The following SPAM1 variants were observed in gnomAD, a reference collection of about 807,000 sequenced individuals.
SPAM1 encodes the protein sperm adhesion molecule 1, also known as hyaluronidase PH-20.
In SPAM1, 22 loss-of-function variants were observed where a neutral mutation model predicts 29.6. That is an observed-to-expected ratio of 0.74 (90% CI 0.53 to 1.06). The LOEUF (loss-of-function observed/expected upper bound fraction) is 1.06, where lower values mean the gene tolerates loss of function less well. SPAM1 is among the 50% of genes least tolerant of loss of function. The pLI, the probability that SPAM1 is intolerant of heterozygous loss-of-function variation, is 0.00. For synonymous variants in SPAM1, 194 were observed against 204.6 expected, an observed-to-expected ratio of 0.95 and a Z score of 0.44; for missense variants, 534 against 604.0, an observed-to-expected ratio of 0.88 and a Z score of 1.21.
At chr7:123,938,529 T>C (rs1262644677) in intron 1 of SPAM1, among the ~76,000 whole-genome samples, 1 of 152,208 alleles carries the variant, frequency 6.6e-6, no homozygotes, top group Non-Finnish European at 1.5e-5. Context: ...ATCTTCAGCA[T>C]TGGTTAATGT....
chr7:123,963,071 A>G (rs900311575), downstream of SPAM1, among the ~76,000 whole-genome samples: 1 of 151,952 alleles, frequency 6.6e-6, no homozygotes, highest in African/African-American at 2.4e-5. Context: ...TATAGTTAAT[A>G]TCATGTACAT....
intron 1 of SPAM1, among the ~76,000 whole-genome samples, chr7:123,934,863 G>A (rs1056755664): frequency 2.6e-5 from 4 of 152,098 alleles, no homozygotes; most frequent in African/African-American, 7.2e-5. Flanking sequence ...GCAGAGGTTG[G>A]TAAATGGATA....
intron 5 of SPAM1, among the ~76,000 whole-genome samples, chr7:123,967,967 A>T (rs1478319303): frequency 2.0e-5 from 3 of 152,016 alleles, no homozygotes; most frequent in Admixed American, 2.0e-4. Flanking sequence ...AGAAAAGGAT[A>T]GAATTAGAAA....
intron 4 of SPAM1, among the ~76,000 whole-genome samples, chr7:123,958,078 AG>A (rs2117068572): frequency 6.6e-6 from 1 of 152,190 alleles, no homozygotes; most frequent in Admixed American, 6.5e-5. Flanking sequence ...ACATTGTCAC[AG>A]GTTCCAGGGA....
At chr7:123,946,908 G>A (rs1247059609) in intron 1 of SPAM1, among the ~76,000 whole-genome samples, 1 of 152,096 alleles carries the variant, frequency 6.6e-6, no homozygotes, top group Non-Finnish European at 1.5e-5. Flanking sequence ...AAATTGTTTG[G>A]TAGGTGTGTA....
chr7:123,969,643 C>T (rs1232006623), intron 5 of SPAM1, among the ~76,000 whole-genome samples: 1 of 151,994 alleles, frequency 6.6e-6, no homozygotes, highest in Non-Finnish European at 1.5e-5. Flanking sequence ...TTTTGTTGGT[C>T]TATGTGTCTG....
At chr7:123,967,801 A>C (rs1412004351) in intron 5 of SPAM1, among the ~76,000 whole-genome samples, 2 of 152,050 alleles carry the variant, frequency 1.3e-5, no homozygotes, top group Non-Finnish European at 2.9e-5. Flanking sequence ...GCCTGGATTG[A>C]AATGGTCAGA....
At chr7:123,963,632 G>A (rs1792387780), downstream of SPAM1, among the ~76,000 whole-genome samples, 1 of 151,758 alleles carries the variant, frequency 6.6e-6, no homozygotes, top group Non-Finnish European at 1.5e-5. Context: ...AAGGGCATAA[G>A]GCTATACAAA....
At chr7:123,933,290 A>C (rs951085344) in intron 1 of SPAM1, among the ~76,000 whole-genome samples, 10 of 151,840 alleles carry the variant, frequency 6.6e-5, no homozygotes, top group Non-Finnish European at 1.3e-4. Context: ...CTCATTGTTC[A>C]ACTCCCACTT....
At chr7:123,944,993 A>AT (rs1049769475) in intron 1 of SPAM1, among the ~76,000 whole-genome samples, 1 of 151,642 alleles carries the variant, frequency 6.6e-6, no homozygotes, top group Non-Finnish European at 1.5e-5. Context: ...ATCATATAAA[A>AT]TTTTTTTTTC....
chr7:123,970,447 G>A (rs1792483197), intron 6 of SPAM1, among the ~76,000 whole-genome samples: 1 of 151,776 alleles, frequency 6.6e-6, no homozygotes, highest in Non-Finnish European at 1.5e-5. Flanking sequence ...TTCAAATAAG[G>A]TCACATTCTA....
At position 123,954,729 on chromosome 7, in the gene SPAM1, G is replaced by A. The variant is rs202068075; in HGVS notation, c.954+205G>A. On this transcript the variant is annotated intron_variant, in intron 3 of 4. Transcript: ENST00000682466. ...ATCTCTTTATCTCTTAGTAAGCCGGGAGAATTAGGTAGTATAGACAGTGTA... is the reference window on the plus strand; with the variant it reads ...ATCTCTTTATCTCTTAGTAAGCCGGAAGAATTAGGTAGTATAGACAGTGTA... Among the ~76,000 whole-genome samples, 15 of 151,858 alleles carry A rather than the reference G, an allele frequency of 9.9e-5. No individual in the cohort carries two copies. In the East Asian group the frequency reaches 2.7e-3, roughly 28 times the overall value.
chr7:123,935,893 C>T (rs1400254699), intron 1 of SPAM1, among the ~76,000 whole-genome samples: 1 of 152,124 alleles, frequency 6.6e-6, no homozygotes, highest in Non-Finnish European at 1.5e-5. Flanking sequence ...CTATCCTATT[C>T]TACACTATTA....
At chr7:123,961,957 T>C (rs561842582), downstream of SPAM1, among the ~76,000 whole-genome samples, 1 of 152,054 alleles carries the variant, frequency 6.6e-6, no homozygotes, top group Admixed American at 6.6e-5. Flanking sequence ...GGGGGAAATC[T>C]GTCACCGTGA....
At chr7:123,933,348 G>A (rs1808150009) in intron 1 of SPAM1, among the ~76,000 whole-genome samples, 1 of 151,992 alleles carries the variant, frequency 6.6e-6, no homozygotes, top group Non-Finnish European at 1.5e-5. Flanking sequence ...GTGTTATTGA[G>A]ACTAGCAAAC....
At chr7:123,925,726 ACT>A (rs1807858413) in intron 1 of SPAM1, 1 of 88,892 alleles carries the variant, frequency 1.1e-5, no homozygotes, top group Admixed American at 1.3e-4. Context: ...ACAGAGTGAG[ACT>A]CTGTCACAAA....
chr7:123,958,895 G>C (rs529524672), intron 4 of SPAM1, among the ~76,000 whole-genome samples: 1 of 151,882 alleles, frequency 6.6e-6, no homozygotes, highest in East Asian at 1.9e-4. Flanking sequence ...AATTTATTGA[G>C]GGTCAACTGA....
At chr7:123,954,866 GAGAT>G in intron 3 of SPAM1, 127 bp from the exon 4 acceptor site, 2 of 651,568 alleles carry the variant, frequency 3.1e-6, no homozygotes, top group South Asian at 1.9e-5. Context: ...GGCTGTGTAA[GAGAT>G]AGAAATAGTG....
intron 1 of SPAM1, among the ~76,000 whole-genome samples, chr7:123,927,343 A>G (rs866329950): frequency 2.6e-5 from 4 of 152,196 alleles, no homozygotes; most frequent in African/African-American, 9.6e-5. Flanking sequence ...CTATGTGAGA[A>G]GTGCTCATTT....
Sources: gnomAD v4.1 joint callset for allele counts (sites outside exome capture counted in the v4.1 genomes callset) on GRCh38, gnomAD v4.1.1 for gene constraint, MANE v1.5 for transcripts, NCBI Gene and HGNC (gene_info 2026-07-23, HGNC 2026-07-21) for gene names.